YEATS4: variants seen among roughly 807,000 people sequenced by gnomAD.
The protein encoded by YEATS4 is YEATS domain-containing protein 4.
In YEATS4, 17 loss-of-function variants were observed where a neutral mutation model predicts 30.1. That is an observed-to-expected ratio of 0.56 (90% CI 0.39 to 0.85). The LOEUF (loss-of-function observed/expected upper bound fraction) is 0.85. Among genes scored for constraint, YEATS4 ranks in the 40% least tolerant of loss-of-function variants. The pLI is 0.00. For missense variants in YEATS4, 142 were observed against 268.3 expected (o/e 0.53, Z 3.29); for synonymous variants, 85 against 87.5 (o/e 0.97, Z 0.16).
intron 6 of YEATS4, among the ~76,000 whole-genome samples, chr12:69,383,234 A>T (rs1876147667): frequency 6.6e-6 from 1 of 152,172 alleles, no homozygotes; most frequent in Non-Finnish European, 1.5e-5. Context: ...ACTGCACGCC[A>T]GACTGAACAA....
At chr12:69,418,221 A>G in the YEATS4 span, among the ~76,000 whole-genome samples, 160 of 152,300 alleles carry the variant, frequency 1.1e-3, no homozygotes, top group Non-Finnish European at 1.8e-3. Flanking sequence ...TATGCTTGCA[A>G]TATGTATAAG....
At chr12:69,396,860 C>G in the YEATS4 span, among the ~76,000 whole-genome samples, 1 of 152,128 alleles carries the variant, frequency 6.6e-6, no homozygotes, top group Non-Finnish European at 1.5e-5. Context: ...TCTTTCATCT[C>G]CCTAAATGTT....
intron 6 of YEATS4, among the ~76,000 whole-genome samples, chr12:69,381,895 A>G (rs1876094298): frequency 6.6e-6 from 1 of 152,184 alleles, no homozygotes; most frequent in South Asian, 2.1e-4. Context: ...TAAACAGAGA[A>G]ATGTAATTCC....
At chr12:69,396,490 C>T in the YEATS4 span, among the ~76,000 whole-genome samples, 1 of 152,186 alleles carries the variant, frequency 6.6e-6, no homozygotes, top group African/African-American at 2.4e-5. Flanking sequence ...AAGAAGAAAT[C>T]TGTAAGCTGA....
chr12:69,419,860 C>A, the YEATS4 span, among the ~76,000 whole-genome samples: 6 of 152,270 alleles, frequency 3.9e-5, no homozygotes, highest in South Asian at 6.2e-4. Flanking sequence ...ACCTTCCAAA[C>A]AATAGACCTG....
chr12:69,401,054 G>A, the YEATS4 span: 4 of 152,292 alleles, frequency 2.6e-5, no homozygotes, highest in African/African-American at 9.6e-5. Flanking sequence ...TCCGGGAGCA[G>A]GGGACCACCA....
chr12:69,365,784 C>G lies in YEATS4; in HGVS notation c.239-6C>G. The G allele has an allele frequency of 6.2e-7, 1 of 1,605,100 alleles. No homozygotes were observed. Among genetic ancestry groups the G allele is most frequent in the Non-Finnish European group, 8.5e-7 (1 of 1,175,138 alleles). On this transcript the variant is annotated splice_region_variant and splice_polypyrimidine_tract_variant and intron_variant, in intron 3 of 6. Coordinates refer to ENST00000247843, the MANE Select transcript of YEATS4 (RefSeq NM_006530.4). The stretch of plus-strand genomic sequence containing the variant: ...CGATAATTTACTATTTTTTTTCTGT[C>G]TTTAGTTGTTACTAAACCTCCATAT...
At chr12:69,415,296 C>T in the YEATS4 span, among the ~76,000 whole-genome samples, 2 of 152,084 alleles carry the variant, frequency 1.3e-5, no homozygotes, top group African/African-American at 4.8e-5. Flanking sequence ...TATTTGGGGC[C>T]AAGTGTGGAG....
intron 6 of YEATS4, among the ~76,000 whole-genome samples, chr12:69,380,796 T>G (rs543556005): frequency 4.7e-4 from 71 of 152,184 alleles, no homozygotes; most frequent in South Asian, 1.9e-3. Flanking sequence ...AGAGAGAAAT[T>G]TTAAAGCTGG....
chr12:69,401,310 AT>A, the YEATS4 span: 1 of 152,242 alleles, frequency 6.6e-6, no homozygotes, highest in African/African-American at 2.4e-5. Flanking sequence ...GAAAAAATAG[AT>A]ATAAACCAAA....
downstream of YEATS4, among the ~76,000 whole-genome samples, chr12:69,393,098 AGTTTTGTTTT>A (rs1868327975): frequency 6.6e-6 from 1 of 152,210 alleles, no homozygotes; most frequent in Non-Finnish European, 1.5e-5. Flanking sequence ...TAATGTCTTC[AGTTTTGTTTT>A]GTTTTGTTTT....
At chr12:69,400,140 A>C in the YEATS4 span, among the ~76,000 whole-genome samples, 1 of 152,086 alleles carries the variant, frequency 6.6e-6, no homozygotes, top group Non-Finnish European at 1.5e-5. Context: ...TAAAAAAAAA[A>C]AGCTTAGTGT....
At chr12:69,396,155 T>G in the YEATS4 span, among the ~76,000 whole-genome samples, 1 of 152,222 alleles carries the variant, frequency 6.6e-6, no homozygotes, top group Admixed American at 6.5e-5. Flanking sequence ...GCTTCATTGC[T>G]CTTTAGTAAT....
At chr12:69,368,162 G>T (rs1217845512) in intron 4 of YEATS4, among the ~76,000 whole-genome samples, 1 of 152,088 alleles carries the variant, frequency 6.6e-6, no homozygotes, top group Non-Finnish European at 1.5e-5. Flanking sequence ...TCAATAGTTA[G>T]CTCTTACAGA....
At chr12:69,362,017 T>TTGTTTTTTTTTG (rs374178277) in intron 1 of YEATS4, among the ~76,000 whole-genome samples, 46,903 of 131,120 alleles carry the variant, frequency 0.36, 8,863 homozygotes, top group East Asian at 0.41. Flanking sequence ...TTGGTTGTTT[T>TTGTTTTTTTTTG]TTTTTTTTTT....
intron 4 of YEATS4, 95 bp downstream of exon 4, chr12:69,365,979 T>C: frequency 1.1e-6 from 1 of 879,698 alleles, no homozygotes; most frequent in Non-Finnish European, 1.7e-6. Context: ...TCAGATGTGT[T>C]TTATGTAAAT....
At chr12:69,393,916 C>T (rs2121101148), downstream of YEATS4, among the ~76,000 whole-genome samples, 1 of 152,316 alleles carries the variant, frequency 6.6e-6, no homozygotes, top group East Asian at 1.9e-4. Context: ...TTATCTTGAT[C>T]TTACTGGATC....
chr12:69,359,774 C>A lies in YEATS4; in HGVS notation c.-199C>A. ...TCGCGGCGTTCTCCACCTGCGCGGG[C>A]CTGAATGGCCTTCAGGAGCACAGTC... is the stretch of plus-strand genomic sequence containing the variant. On this transcript the variant is annotated 5_prime_UTR_variant, in exon 1 of 7. Transcript: ENST00000247843. The A allele has an allele frequency of 1.6e-6, 1 of 608,988 alleles. No homozygotes were observed. The highest frequency in any genetic ancestry group is 2.8e-6 in the Non-Finnish European group (1 of 358,840). The allele number at this position is 608,988 out of a possible 1,614,324, so 37.7% of individuals were successfully genotyped here.
the YEATS4 span, among the ~76,000 whole-genome samples, chr12:69,413,784 A>T: frequency 6.6e-6 from 1 of 150,972 alleles, no homozygotes; most frequent in Non-Finnish European, 1.5e-5. Context: ...CCCAGGAAGC[A>T]GAGGTTGCAG....
Sources: allele counts gnomAD v4.1 joint callset (sites outside exome capture counted in the v4.1 genomes callset), GRCh38; gene constraint gnomAD v4.1.1; transcripts MANE v1.5; gene names NCBI Gene and HGNC (gene_info 2026-07-23, HGNC 2026-07-21).